Variants in SLC8A1 observed in about 807,000 individuals in gnomAD.
The protein encoded by SLC8A1 is solute carrier family 8 member A1.
In SLC8A1, 18 loss-of-function variants were observed where a neutral mutation model predicts 68.3. The ratio of observed to expected loss-of-function variants is 0.26; its 90% CI spans 0.18 to 0.39. The LOEUF (loss-of-function observed/expected upper bound fraction) is 0.39, where lower values mean the gene tolerates loss of function less well. SLC8A1 is among the 10% of genes least tolerant of loss of function. The pLI, the probability that SLC8A1 is intolerant of heterozygous loss-of-function variation, is 1.00. For missense variants in SLC8A1, 985 were observed against 1,156.7 expected (o/e 0.85, Z 2.15); for synonymous variants, 475 against 415.5 (o/e 1.14, Z -1.74).
chr2:40,193,266 A>G (rs971530924), intron 2 of SLC8A1, among the ~76,000 whole-genome samples: 8 of 152,188 alleles, frequency 5.3e-5, no homozygotes, highest in Non-Finnish European at 1.2e-4. Flanking sequence ...TTTATCAGCC[A>G]CGTTTTAGAT....
At chr2:40,354,465 T>C (rs1672074294) in intron 2 of SLC8A1, among the ~76,000 whole-genome samples, 1 of 152,098 alleles carries the variant, frequency 6.6e-6, no homozygotes, top group African/African-American at 2.4e-5. Flanking sequence ...TGGGACTAAA[T>C]GGGGGTGGTT....
intron 2 of SLC8A1, among the ~76,000 whole-genome samples, chr2:40,297,397 T>G (rs1318086771): frequency 2.6e-5 from 4 of 152,178 alleles, no homozygotes; most frequent in Non-Finnish European, 2.9e-5. Flanking sequence ...AAAAATGTAC[T>G]GACACATTTT....
At chr2:40,158,909 C>G (rs1400342137) in intron 6 of SLC8A1, among the ~76,000 whole-genome samples, 4 of 152,122 alleles carry the variant, frequency 2.6e-5, no homozygotes, top group Non-Finnish European at 4.4e-5. Flanking sequence ...CTCTGTATAC[C>G]TATTCTCACC....
chr2:40,193,327 T>C (rs2052256440), intron 2 of SLC8A1, among the ~76,000 whole-genome samples: 1 of 152,090 alleles, frequency 6.6e-6, no homozygotes, highest in South Asian at 2.1e-4. Context: ...TTACTGAGTA[T>C]CCAATTTTTG....
chr2:40,118,788 G>A (rs1255508225), intron 7 of SLC8A1, among the ~76,000 whole-genome samples: 1 of 151,964 alleles, frequency 6.6e-6, no homozygotes, highest in African/African-American at 2.4e-5. Flanking sequence ...AGATGGCCAC[G>A]TTAGGTGGGG....
Position 40,270,901 on chromosome 2 carries a change from C to G in SLC8A1, c.1809-93046G>C, listed in dbSNP as rs533198521. Among the ~76,000 whole-genome samples the G allele has an allele frequency of 1.5e-4, 23 of 152,254 alleles. No individual in the cohort carries two copies. In the South Asian group the frequency reaches 4.6e-3, roughly 30 times the overall value. On this transcript the variant is annotated intron_variant, in intron 2 of 7. Coordinates refer to ENST00000406785, the Ensembl canonical transcript of SLC8A1. ...AGGCTAGAGCTGTCTTTCCAGGACCCTTGAGGGAGTTCCGGCTGGTTTTCC... is the reference window on the plus strand; with the variant it reads ...AGGCTAGAGCTGTCTTTCCAGGACCGTTGAGGGAGTTCCGGCTGGTTTTCC...
At chr2:40,502,859 C>A (rs1706132168) in intron 1 of SLC8A1, among the ~76,000 whole-genome samples, 1 of 151,972 alleles carries the variant, frequency 6.6e-6, no homozygotes, top group Non-Finnish European at 1.5e-5. Flanking sequence ...AAAGTTCCAA[C>A]TTATTAGCAA....
At chr2:40,420,309 C>A (rs1190135634) in intron 2 of SLC8A1, among the ~76,000 whole-genome samples, 1 of 151,350 alleles carries the variant, frequency 6.6e-6, no homozygotes, top group Non-Finnish European at 1.5e-5. Context: ...TAATAGCATC[C>A]CCTGATACTA....
chr2:40,271,867 T>G (rs1349510096), intron 2 of SLC8A1, among the ~76,000 whole-genome samples: 6 of 152,074 alleles, frequency 3.9e-5, no homozygotes. Context: ...TATTATTTTA[T>G]TTATTTATTT....
chr2:40,111,857 A>G (rs1274421751), exon 8 of SLC8A1: 2 of 152,108 alleles, frequency 1.3e-5, no homozygotes, highest in Non-Finnish European at 2.9e-5. Flanking sequence ...TTGATGTAAT[A>G]CTCTGCATGC....
intron 2 of SLC8A1, among the ~76,000 whole-genome samples, chr2:40,210,433 T>TGTCTTTTGAATA (rs2056374898): frequency 6.6e-6 from 1 of 152,182 alleles, no homozygotes; most frequent in South Asian, 2.1e-4. Flanking sequence ...ATCCAGTGCT[T>TGTCTTTTGAATA]GTCTTTTGAA....
At chr2:40,216,763 G>C (rs970251687) in intron 2 of SLC8A1, among the ~76,000 whole-genome samples, 9 of 152,172 alleles carry the variant, frequency 5.9e-5, no homozygotes, top group African/African-American at 2.2e-4. Context: ...GTGATGTTGG[G>C]CTTCTTTTCA....
At chr2:40,264,445 C>T (rs1027511803) in intron 2 of SLC8A1, among the ~76,000 whole-genome samples, 1 of 152,036 alleles carries the variant, frequency 6.6e-6, no homozygotes, top group Non-Finnish European at 1.5e-5. Context: ...GACTTGGAAC[C>T]AACCCAAATG....
rs553942707 is a variant in SLC8A1 at position 40,274,093 on chromosome 2, A to C, written c.1809-96238T>G. 9.1e-4 allele frequency among the ~76,000 whole-genome samples: 137 copies of C among 150,948 alleles called. 1 individual carries two copies. The highest frequency in any genetic ancestry group is 3.2e-3 in the African/African-American group (133 of 41,024). The stretch of plus-strand genomic sequence containing the variant: ...TTAGATCATTTCATCATATTTGCTC[A>C]TTTCCTTGGCTGAAGAGTCTGGAGT... On this transcript the variant is annotated intron_variant, in intron 2 of 7. Coordinates refer to ENST00000406785, the Ensembl canonical transcript of SLC8A1.
chr2:40,264,867 A>C (rs886339118), intron 2 of SLC8A1, among the ~76,000 whole-genome samples: 2 of 152,132 alleles, frequency 1.3e-5, no homozygotes, highest in South Asian at 2.1e-4. Context: ...TAGAGCACAC[A>C]TGTCATTAAT....
At chr2:40,425,145 AGC>A (rs1277764949) in intron 2 of SLC8A1, among the ~76,000 whole-genome samples, 1 of 151,898 alleles carries the variant, frequency 6.6e-6, no homozygotes, top group Non-Finnish European at 1.5e-5. Flanking sequence ...AGCATGTGCT[AGC>A]TGTTAATTAT....
intron 2 of SLC8A1, among the ~76,000 whole-genome samples, chr2:40,335,046 G>C (rs1246270089): frequency 6.6e-6 from 1 of 152,132 alleles, no homozygotes; most frequent in Non-Finnish European, 1.5e-5. Flanking sequence ...TCTCCAAAGA[G>C]GTCATTAGTG....
intron 2 of SLC8A1, among the ~76,000 whole-genome samples, chr2:40,297,091 C>G (rs184338889): frequency 3.0e-4 from 45 of 152,126 alleles, no homozygotes; most frequent in African/African-American, 1.1e-3. Flanking sequence ...ATGGTATTCT[C>G]CTGATCTTAC....
chr2:40,109,282 C>G (rs771340398), exon 8 of SLC8A1: 1 of 152,022 alleles, frequency 6.6e-6, no homozygotes, highest in African/African-American at 2.4e-5. Flanking sequence ...CTATCTGTTA[C>G]GTTTTTCTAT....
Sources: allele counts gnomAD v4.1 joint callset (sites outside exome capture counted in the v4.1 genomes callset), GRCh38; gene constraint gnomAD v4.1.1; transcripts MANE v1.5; gene names NCBI Gene and HGNC (gene_info 2026-07-23, HGNC 2026-07-21).